Variants in NAALADL2 observed in about 807,000 individuals in gnomAD.
NAALADL2 encodes inactive N-acetylated-alpha-linked acidic dipeptidase-like protein 2.
A neutral mutation model predicts 87.2 loss-of-function variants in NAALADL2; 76 were observed. That is an observed-to-expected ratio of 0.87 (90% confidence interval 0.72 to 1.05). NAALADL2 has a LOEUF of 1.05. Ranked by LOEUF, NAALADL2 falls within the 50% of genes least tolerant of loss-of-function variation. The probability of loss-of-function intolerance (pLI) is 0.00; values close to 1 mark genes in which losing one functional copy is unlikely to be tolerated. For synonymous variants in NAALADL2, 354 were observed against 331.0 expected (o/e 1.07, Z -0.75); for missense variants, 1,089 against 945.8 (o/e 1.15, Z -1.99).
At chr3:174,989,828 TAG>T (rs1194035110) in intron 1 of NAALADL2, among the ~76,000 whole-genome samples, 1 of 152,164 alleles carries the variant, frequency 6.6e-6, no homozygotes, top group African/African-American at 2.4e-5. Flanking sequence ...CCAGGAATGA[TAG>T]AGTTTCATGC....
intron 11 of NAALADL2, among the ~76,000 whole-genome samples, chr3:175,716,862 G>C (rs1019233438): frequency 6.6e-6 from 1 of 152,124 alleles, no homozygotes; most frequent in Admixed American, 6.6e-5. Context: ...ACTTAATATA[G>C]ACTTACTTTC....
chr3:175,314,563 CTATA>C (rs57049565), intron 4 of NAALADL2, among the ~76,000 whole-genome samples: 5,876 of 69,392 alleles, frequency 0.085, 280 homozygotes, highest in East Asian at 0.13. Flanking sequence ...CACATTCTAA[CTATA>C]TATATATATA....
chr3:175,013,274 TATAC>T (rs1347766744), intron 1 of NAALADL2, among the ~76,000 whole-genome samples: 19 of 92,634 alleles, frequency 2.1e-4, no homozygotes, highest in African/African-American at 1.1e-3. Context: ...TTTTTATATA[TATAC>T]ATATATATAT....
chr3:175,643,543 G>A (rs1729575738), intron 11 of NAALADL2, among the ~76,000 whole-genome samples: 1 of 152,148 alleles, frequency 6.6e-6, no homozygotes, highest in Non-Finnish European at 1.5e-5. Context: ...TAGTATTGTA[G>A]TATCTCAGTA....
chr3:174,714,027 A>G (rs1308979710), intron 2 of NAALADL2, among the ~76,000 whole-genome samples: 17 of 152,178 alleles, frequency 1.1e-4, no homozygotes, highest in Non-Finnish European at 2.5e-4. Flanking sequence ...ATGGCTAGCC[A>G]GTTTTCCCAG....
intron 1 of NAALADL2, among the ~76,000 whole-genome samples, chr3:175,014,828 T>A (rs1334688459): frequency 6.6e-6 from 1 of 152,088 alleles, no homozygotes; most frequent in Non-Finnish European, 1.5e-5. Flanking sequence ...CTCTCTTTCT[T>A]TTCCTTCTCT....
chr3:174,561,580 G>A (rs1713626356), intron 2 of NAALADL2, among the ~76,000 whole-genome samples: 1 of 152,070 alleles, frequency 6.6e-6, no homozygotes, highest in African/African-American at 2.4e-5. Flanking sequence ...TGATCAAGTA[G>A]AGAGGATAAT....
intron 11 of NAALADL2, among the ~76,000 whole-genome samples, chr3:175,637,668 G>C (rs1228749146): frequency 6.6e-6 from 1 of 152,140 alleles, no homozygotes; most frequent in African/African-American, 2.4e-5. Context: ...AGTGGAAGAA[G>C]CCTGAGGCTC....
chr3:175,460,825 G>T (rs1416828963), intron 6 of NAALADL2, among the ~76,000 whole-genome samples: 1 of 152,248 alleles, frequency 6.6e-6, no homozygotes, highest in East Asian at 1.9e-4. Context: ...AAAGAGGCAG[G>T]GTGTTGCAGA....
chr3:174,982,465 T>G (rs974201802), intron 1 of NAALADL2, among the ~76,000 whole-genome samples: 1 of 152,224 alleles, frequency 6.6e-6, no homozygotes, highest in African/African-American at 2.4e-5. Context: ...ATGAGTTATA[T>G]ATGGAAACAA....
intron 11 of NAALADL2, among the ~76,000 whole-genome samples, chr3:175,683,926 T>G (rs6802083): frequency 0.36 from 55,173 of 151,872 alleles, 15,481 homozygotes; most frequent in African/African-American, 0.79. Flanking sequence ...AAAAAGAGTG[T>G]AAGATAAGAA....
At chr3:174,965,960 G>C (rs1437324656) in intron 1 of NAALADL2, among the ~76,000 whole-genome samples, 1 of 152,092 alleles carries the variant, frequency 6.6e-6, no homozygotes, top group African/African-American at 2.4e-5. Flanking sequence ...GTAGGACAAT[G>C]AATTTGCTAT....
chr3:175,388,208 T>C (rs1477023461), intron 5 of NAALADL2, among the ~76,000 whole-genome samples: 1 of 152,128 alleles, frequency 6.6e-6, no homozygotes, highest in East Asian at 1.9e-4. Flanking sequence ...TCATTTTTTA[T>C]TTGCACAAAC....
intron 5 of NAALADL2, among the ~76,000 whole-genome samples, chr3:175,441,326 A>G (rs575673631): frequency 6.6e-6 from 1 of 152,310 alleles, no homozygotes; most frequent in African/African-American, 2.4e-5. Context: ...AATGCTTTAA[A>G]GTATATAAGA....
chr3:175,742,920 T>C (rs1425102824), intron 12 of NAALADL2, among the ~76,000 whole-genome samples: 3 of 152,162 alleles, frequency 2.0e-5, no homozygotes, highest in Non-Finnish European at 4.4e-5. Flanking sequence ...GGATGTTTCT[T>C]TTCTCCCGGT....
rs114878902 is a variant in NAALADL2, at chr3:174,948,852, C to T, written c.43+89402C>T. On this transcript the variant is annotated intron_variant, in intron 1 of 13. Coordinates refer to ENST00000454872, the MANE Select transcript of NAALADL2 (RefSeq NM_207015.3). ...TTACTGTCTTAGTTCTTTCAGGCTGCTATAAGAAAATATGATAGACTGGGT... is the reference window on the plus strand; with the variant it reads ...TTACTGTCTTAGTTCTTTCAGGCTGTTATAAGAAAATATGATAGACTGGGT... Among the ~76,000 whole-genome samples, 733 of 152,172 alleles carry T rather than the reference C, an allele frequency of 4.8e-3. 9 individuals carry two copies. Among genetic ancestry groups the T allele is most frequent in the African/African-American group, 0.016 (658 of 41,532 alleles).
At chr3:175,667,241 A>AATAAAGAAAG (rs1182682303) in intron 11 of NAALADL2, among the ~76,000 whole-genome samples, 1 of 91,716 alleles carries the variant, frequency 1.1e-5, no homozygotes, top group African/African-American at 5.1e-5. Context: ...GAAAGAAAGA[A>AATAAAGAAAG]AAAGAAAGAA....
At chr3:175,304,072 T>C (rs1757407609) in intron 4 of NAALADL2, among the ~76,000 whole-genome samples, 1 of 151,958 alleles carries the variant, frequency 6.6e-6, no homozygotes, top group Non-Finnish European at 1.5e-5. Context: ...CAAATCCAAA[T>C]GTTGATTTTC....
chr3:175,468,580 A>G (rs898384817), intron 8 of NAALADL2, among the ~76,000 whole-genome samples: 3 of 152,062 alleles, frequency 2.0e-5, no homozygotes, highest in Non-Finnish European at 4.4e-5. Flanking sequence ...TTCTTTTCGA[A>G]TTCCAAAGAT....
Sources: allele counts gnomAD v4.1 joint callset (sites outside exome capture counted in the v4.1 genomes callset), GRCh38; gene constraint gnomAD v4.1.1; transcripts MANE v1.5; gene names NCBI Gene and HGNC (gene_info 2026-07-23, HGNC 2026-07-21).